CERS6: variants seen among roughly 807,000 people sequenced by gnomAD.
CERS6 encodes the protein LAG1 homolog, ceramide synthase 6.
A neutral mutation model predicts 56.8 loss-of-function variants in CERS6; 26 were observed. The ratio of observed to expected loss-of-function variants is 0.46; its 90% CI spans 0.34 to 0.63. CERS6 has a LOEUF of 0.63. Among genes scored for constraint, CERS6 ranks in the 30% least tolerant of loss-of-function variants. CERS6 has a pLI of 0.01. For missense variants in CERS6, 415 were observed against 467.5 expected, an observed-to-expected ratio of 0.89 and a Z score of 1.04; for synonymous variants, 164 against 173.3, an observed-to-expected ratio of 0.95 and a Z score of 0.42.
intron 3 of CERS6, among the ~76,000 whole-genome samples, chr2:168,593,691 C>T (rs1025271910): frequency 6.6e-6 from 1 of 152,080 alleles, no homozygotes; most frequent in African/African-American, 2.4e-5. Context: ...ATTTCTTCCC[C>T]CTTTTTTAAT....
chr2:168,680,450 T>C (rs1574155328), intron 4 of CERS6, among the ~76,000 whole-genome samples: 2 of 152,274 alleles, frequency 1.3e-5, no homozygotes, highest in South Asian at 2.1e-4. Flanking sequence ...AAAGCATAGG[T>C]TCTTCCCTCC....
chr2:168,597,923 G>C (rs1375043560), intron 3 of CERS6, among the ~76,000 whole-genome samples: 3 of 152,164 alleles, frequency 2.0e-5, no homozygotes, highest in African/African-American at 7.2e-5. Flanking sequence ...CATGTAAGAA[G>C]TTATTTCTGT....
chr2:168,680,909 T>G (rs1686199334), intron 4 of CERS6, among the ~76,000 whole-genome samples: 1 of 152,240 alleles, frequency 6.6e-6, no homozygotes, highest in Non-Finnish European at 1.5e-5. Flanking sequence ...TGCCTTTTCA[T>G]GTACTATGTC....
intron 9 of CERS6, among the ~76,000 whole-genome samples, chr2:168,768,634 G>A (rs1001809493): frequency 6.6e-6 from 1 of 151,832 alleles, no homozygotes; most frequent in African/African-American, 2.4e-5. Context: ...GGCCAGGCAC[G>A]GTGTCTCACA....
intron 4 of CERS6, among the ~76,000 whole-genome samples, chr2:168,658,368 T>C (rs771709585): frequency 4.8e-4 from 73 of 152,344 alleles, no homozygotes; most frequent in Admixed American, 1.4e-3. Context: ...GTTGTTATGA[T>C]AGAACACATT....
At chr2:168,613,989 G>A (rs1400519636) in intron 3 of CERS6, among the ~76,000 whole-genome samples, 1 of 152,216 alleles carries the variant, frequency 6.6e-6, no homozygotes, top group South Asian at 2.1e-4. Flanking sequence ...TGTGTGCATT[G>A]TAATGGGGTT....
intron 4 of CERS6, among the ~76,000 whole-genome samples, chr2:168,675,139 G>A (rs2105343894): frequency 6.6e-6 from 1 of 151,784 alleles, no homozygotes. Context: ...ACACCTAGCA[G>A]ATTTTTTGTA....
chr2:168,483,172 A>G (rs967474210), intron 1 of CERS6, among the ~76,000 whole-genome samples: 1 of 152,212 alleles, frequency 6.6e-6, no homozygotes, highest in Admixed American at 6.5e-5. Context: ...AGACTATCTC[A>G]TTTAATCCTC....
At chr2:168,471,652 G>T (rs1478382119) in intron 1 of CERS6, among the ~76,000 whole-genome samples, 1 of 152,102 alleles carries the variant, frequency 6.6e-6, no homozygotes, top group Non-Finnish European at 1.5e-5. Flanking sequence ...CTGGGTAGCC[G>T]CTCTCTCCGT....
intron 3 of CERS6, among the ~76,000 whole-genome samples, chr2:168,567,373 C>T (rs1341354306): frequency 1.3e-5 from 2 of 152,082 alleles, no homozygotes; most frequent in Non-Finnish European, 2.9e-5. Context: ...CTATAAATGG[C>T]CATGAAATAA....
intron 3 of CERS6, among the ~76,000 whole-genome samples, chr2:168,612,557 G>A: frequency 6.6e-6 from 1 of 152,336 alleles, no homozygotes; most frequent in Admixed American, 6.5e-5. Flanking sequence ...CCCTAAAGAG[G>A]TTATCCCAGG....
At chr2:168,636,935 G>T (rs906816986) in intron 4 of CERS6, among the ~76,000 whole-genome samples, 2 of 152,152 alleles carry the variant, frequency 1.3e-5, no homozygotes, top group African/African-American at 2.4e-5. Context: ...CCATTAATCA[G>T]CTTTGTGACC....
At chr2:168,678,698 A>C (rs562984332) in intron 4 of CERS6, among the ~76,000 whole-genome samples, 2 of 152,302 alleles carry the variant, frequency 1.3e-5, no homozygotes, top group East Asian at 3.9e-4. Flanking sequence ...TGGGAGGAAC[A>C]CAAAGGCTCT....
At chr2:168,639,816 C>A (rs1203225986) in intron 4 of CERS6, among the ~76,000 whole-genome samples, 1 of 152,074 alleles carries the variant, frequency 6.6e-6, no homozygotes, top group African/African-American at 2.4e-5. Flanking sequence ...GGTACTGGGT[C>A]TGCTGTCAGG....
intron 3 of CERS6, among the ~76,000 whole-genome samples, chr2:168,563,870 T>A (rs978290909): frequency 6.6e-6 from 1 of 152,004 alleles, no homozygotes; most frequent in Non-Finnish European, 1.5e-5. Flanking sequence ...AGGGAAAGGA[T>A]CAACTGTAGG....
chr2:168,670,979 C>CCCCCCG (rs1553506539), intron 4 of CERS6, among the ~76,000 whole-genome samples: 1 of 83,152 alleles, frequency 1.2e-5, no homozygotes, highest in African/African-American at 3.3e-5. Context: ...CCCCCCCCCC[C>CCCCCCG]CAGACGGAAG....
intron 2 of CERS6, among the ~76,000 whole-genome samples, chr2:168,555,722 C>CTGTGTGTGTG (rs58781728): frequency 0.034 from 4,832 of 140,870 alleles, 261 homozygotes; most frequent in African/African-American, 0.11. Flanking sequence ...ATAATTGACT[C>CTGTGTGTGTG]TGTGTGTGTG....
intron 4 of CERS6, among the ~76,000 whole-genome samples, chr2:168,631,697 AATTTATATTTATATTAT>A (rs1180756758): frequency 1.3e-4 from 13 of 99,120 alleles, no homozygotes; most frequent in African/African-American, 4.0e-4. Flanking sequence ...ATATATATTT[AATTTATATTTATATTAT>A]ATTTATATTT....
chr2:168,458,501 A>AT (rs1485638969), intron 1 of CERS6, among the ~76,000 whole-genome samples: 1 of 152,174 alleles, frequency 6.6e-6, no homozygotes, highest in African/African-American at 2.4e-5. Context: ...CTTTCTAAAC[A>AT]TTTTTTATTT....
Sources: gnomAD v4.1 joint callset for allele counts (sites outside exome capture counted in the v4.1 genomes callset) on GRCh38, gnomAD v4.1.1 for gene constraint, MANE v1.5 for transcripts, NCBI Gene and HGNC (gene_info 2026-07-23, HGNC 2026-07-21) for gene names.